The following AXIN2 variants were observed in gnomAD, a reference collection of about 807,000 sequenced individuals.
AXIN2 encodes the protein axin-2.
In AXIN2, 21 loss-of-function variants were observed where a neutral mutation model predicts 74.7. That is an observed-to-expected ratio of 0.28 (90% CI 0.20 to 0.40). AXIN2 has a LOEUF of 0.40. Ranked by LOEUF, AXIN2 falls within the 10% of genes least tolerant of loss-of-function variation. AXIN2 has a pLI of 1.00. For missense variants in AXIN2, 1,144 were observed against 1,111.1 expected, an observed-to-expected ratio of 1.03 and a Z score of -0.42; for synonymous variants, 532 against 454.9, an observed-to-expected ratio of 1.17 and a Z score of -2.16.
intron 10 of AXIN2, among the ~76,000 whole-genome samples, chr17:65,532,638 A>G (rs1424961074): frequency 6.6e-6 from 1 of 152,202 alleles, no homozygotes; most frequent in Non-Finnish European, 1.5e-5. Context: ...GGTGGCTGGT[A>G]AAACTATACA....
chr17:65,545,030 A>T (rs778328302), intron 3 of AXIN2, among the ~76,000 whole-genome samples: 25 of 152,194 alleles, frequency 1.6e-4, no homozygotes, highest in Admixed American at 5.9e-4. Context: ...AAACCCCCAT[A>T]AATAAGATAT....
Position 65,558,709 on chromosome 17 carries a change from T to TCAG in AXIN2, c.-92_-90dup. 7.5e-7 allele frequency: 1 copy of TCAG among 1,333,108 alleles called. No individual in the cohort carries two copies. The highest frequency in any genetic ancestry group is 1.0e-6 in the Non-Finnish European group (1 of 961,798). The allele number at this position is 1,333,108 out of a possible 1,614,324, so 82.6% of individuals were successfully genotyped here. A position where few individuals can be genotyped will look rare whatever the true frequency, so the allele number is the denominator to read the frequency against. ...GCGTGGTCTCTCTGTCTCTCTCAAG[T>TCAG]CAGCAGGGGCTCATCTGAACCTCCT... On this transcript the variant is annotated 5_prime_UTR_variant, in exon 2 of 11. An upstream open reading frame in the 5' UTR loses its in-frame stop. Coordinates refer to ENST00000307078, the MANE Select transcript of AXIN2 (RefSeq NM_004655.4).
Position 65,538,242 on chromosome 17 carries a change from G to A in AXIN2, c.1161C>T (p.Ser387=), listed in dbSNP as rs1598100863. ...GCAGGCGCTCCTCCAGGCTGTGGCG[G>A]CTCTCCAACTCCAGCTTCAGCTTTT... ...RLEKLKLELE[S]RHSLEERLQQ... Residue 387 remains serine, a synonymous_variant, in exon 5 of 11, where the codon AGC becomes AGT. Coordinates refer to ENST00000307078, the MANE Select transcript of AXIN2 (RefSeq NM_004655.4). 6.2e-7 allele frequency: 1 copy of A among 1,614,208 alleles called. No homozygotes were observed.
rs776445861 is a variant in AXIN2 at position 65,536,948 on chromosome 17, G to A, written c.1828C>T (p.Arg610Trp). Residue 610 changes from arginine (R) to tryptophan (W), a missense_variant, in exon 7 of 11, where the codon CGG (arginine) becomes TGG (tryptophan). Around this residue, in one of 4 missense-constraint regions of AXIN2, gnomAD observed 1,053 missense variants for 973.5 expected, o/e 1.08. Coordinates refer to ENST00000307078, the MANE Select transcript of AXIN2 (RefSeq NM_004655.4). ...TCCTGCGACCTGTCTCCTTCCTCCC[G>A]GGGAAGCTGCAGGGCCCCAGCTCCG... ...PGGAGALQLP[R>W]EEGDRSQDVW... The A allele has an allele frequency of 2.5e-6, 4 of 1,613,410 alleles. No homozygotes were observed. The highest frequency in any genetic ancestry group is 2.2e-5 in the East Asian group (1 of 44,840).
rs187123205 is a variant in AXIN2, at chr17:65,543,073, G to A, written c.957-1516C>T. On this transcript the variant is annotated intron_variant, in intron 3 of 10. Coordinates refer to ENST00000307078, the MANE Select transcript of AXIN2 (RefSeq NM_004655.4). ...GATTCCAATAGATCAACAAACCAAT[G>A]TATGTTAACCAAACCCTGGCTAAGG... Among the ~76,000 whole-genome samples the A allele has an allele frequency of 9.2e-5, 14 of 152,252 alleles. 1 individual carries two copies. In the East Asian group the frequency reaches 2.3e-3, roughly 25 times the overall value.
chr17:65,549,295 T>G (rs1032617047), intron 3 of AXIN2, among the ~76,000 whole-genome samples: 10 of 152,132 alleles, frequency 6.6e-5, no homozygotes, highest in Admixed American at 3.3e-4. Flanking sequence ...TGTTACAATA[T>G]CCTCCCAACT....
At chr17:65,549,974 C>T (rs949445154) in intron 2 of AXIN2, among the ~76,000 whole-genome samples, 2 of 152,190 alleles carry the variant, frequency 1.3e-5, no homozygotes, top group Non-Finnish European at 2.9e-5. Context: ...GAACTGGACT[C>T]TGCTTTAGGA....
intron 3 of AXIN2, among the ~76,000 whole-genome samples, chr17:65,545,063 C>T (rs1339337642): frequency 6.6e-6 from 1 of 152,144 alleles, no homozygotes; most frequent in Non-Finnish European, 1.5e-5. Flanking sequence ...ATAAATAACT[C>T]GCGACATTCC....
intron 3 of AXIN2, among the ~76,000 whole-genome samples, chr17:65,543,317 G>A (rs2044069550): frequency 6.6e-6 from 1 of 152,186 alleles, no homozygotes; most frequent in Non-Finnish European, 1.5e-5. Flanking sequence ...TCCTACTCAT[G>A]AGGCTCGGCA....
chr17:65,554,347 T>C (rs1270972849), intron 2 of AXIN2, among the ~76,000 whole-genome samples: 4 of 152,232 alleles, frequency 2.6e-5, no homozygotes, highest in Non-Finnish European at 5.9e-5. Flanking sequence ...CCAAGAGCCC[T>C]CTGAAAATTT....
At chr17:65,543,182 G>A (rs965669935) in intron 3 of AXIN2, among the ~76,000 whole-genome samples, 4 of 152,188 alleles carry the variant, frequency 2.6e-5, no homozygotes, top group African/African-American at 9.7e-5. Context: ...TTACCCCCAA[G>A]TGTGAGTACT....
chr17:65,556,625 T>A (rs1021849352), intron 2 of AXIN2, among the ~76,000 whole-genome samples: 15 of 152,156 alleles, frequency 9.9e-5, no homozygotes, highest in Non-Finnish European at 1.6e-4. Flanking sequence ...CAGTCAACTC[T>A]CTCTGCCGCC....
In AXIN2 at chr17:65,536,936, C is replaced by G. The variant is rs2043932959; in HGVS notation, c.1840G>C (p.Asp614His). 1 of 1,613,684 alleles carries G rather than the reference C, an allele frequency of 6.2e-7. No homozygotes were observed. The highest frequency in any genetic ancestry group is 1.1e-5 in the South Asian group (1 of 91,070). Reference protein sequence around the residue: ...GALQLPREEGDRSQDVWQWML... With the variant: ...GALQLPREEGHRSQDVWQWML... ...CACTGCCAGACATCCTGCGACCTGT[C>G]TCCTTCCTCCCGGGGAAGCTGCAGG... is the stretch of plus-strand genomic sequence containing the variant. Residue 614 changes from aspartate to histidine, a missense_variant, in exon 7 of 11, where the codon GAC (aspartate) becomes CAC (histidine). This residue lies in a region of AXIN2 where 1,053 missense variants were observed against 973.5 expected (regional missense o/e 1.08). Transcript: ENST00000307078.
In AXIN2 at chr17:65,537,373, A is replaced by G. The variant is rs1481627494; in HGVS notation, c.1663T>C (p.Cys555Arg). 1 of 1,613,998 alleles carries G rather than the reference A, an allele frequency of 6.2e-7. No homozygotes were observed. The highest frequency in any genetic ancestry group is 1.1e-5 in the South Asian group (1 of 91,068). Residue 555 changes from cysteine to arginine, a missense_variant, in exon 6 of 11, where the codon TGC (cysteine) becomes CGC (arginine). By Grantham distance (180) the Cys-to-Arg change is radical. Coordinates refer to ENST00000307078, the MANE Select transcript of AXIN2 (RefSeq NM_004655.4). ...TCCGGAGCCTTGGAGTGGCTTTTGC[A>G]TTTCGAGTAGCAGTAATACTCGCTG... ...GGSEYYCYSK[C>R]KSHSKAPETM...
In AXIN2 at chr17:65,537,965, C is replaced by T. The variant is rs192839023; in HGVS notation, c.1201-130G>A. The T allele has an allele frequency of 1.0e-4, 141 of 1,366,804 alleles. No individual in the cohort carries two copies. In the East Asian group the frequency reaches 2.2e-3, roughly 21 times the overall value. 84.7% of individuals were successfully genotyped at this position (1,366,804 alleles called of 1,614,324 possible). A position where few individuals can be genotyped will look rare whatever the true frequency, so the allele number is the denominator to read the frequency against. ...GTGCACGCCCACAGCCACGCCCATG[C>T]GCACACGCACAGGCCCGCCTACACA... On this transcript the variant is annotated intron_variant, in intron 5 of 10. Coordinates refer to ENST00000307078, the MANE Select transcript of AXIN2 (RefSeq NM_004655.4).
rs74006835 is a variant in AXIN2 at position 65,535,475 on chromosome 17, A to G, written c.2237+151T>C. 3,377 of 773,674 alleles carry G rather than the reference A, an allele frequency of 4.4e-3. 99 individuals are homozygous for G. In the African/African-American group the frequency reaches 0.052, roughly 12 times the overall value. The allele number at this position is 773,674 out of a possible 1,614,324, so 47.9% of individuals were successfully genotyped here. Reference sequence around the variant, plus strand: ...TTGTCGGCAGGACATGGATGGCAACATCTACGTTTACTGTTCCTCATCACT... The same window carrying G: ...TTGTCGGCAGGACATGGATGGCAACGTCTACGTTTACTGTTCCTCATCACT... On this transcript the variant is annotated intron_variant, in intron 9 of 10. Coordinates refer to ENST00000307078, the MANE Select transcript of AXIN2 (RefSeq NM_004655.4).
At chr17:65,559,351 A>G (rs2144596600) in intron 1 of AXIN2, 1 of 122,142 alleles carries the variant, frequency 8.2e-6, no homozygotes, top group East Asian at 2.9e-4. Context: ...AAGCCCGCCC[A>G]GCATAGGCGG....
chr17:65,555,565 T>A (rs1196680035), intron 2 of AXIN2, among the ~76,000 whole-genome samples: 1 of 152,184 alleles, frequency 6.6e-6, no homozygotes, highest in South Asian at 2.1e-4. Context: ...TATAACACTT[T>A]GCGGCGGTTC....
At chr17:65,536,739 T>C (rs2043927710) in intron 7 of AXIN2, 130 bp downstream of exon 7, 2 of 1,464,064 alleles carry the variant, frequency 1.4e-6, no homozygotes, top group Non-Finnish European at 1.9e-6. Context: ...GTCCAACGTT[T>C]AATATTAAGA....
Sources: gnomAD v4.1 joint callset for allele counts (sites outside exome capture counted in the v4.1 genomes callset) on GRCh38, gnomAD v4.1.1 for gene constraint, gnomAD v4.1.1 regional missense constraint, MANE v1.5 for transcripts, NCBI Gene and HGNC (gene_info 2026-07-23, HGNC 2026-07-21) for gene names.